The following CTNNA2 variants were observed in gnomAD, a reference collection of about 807,000 sequenced individuals.
CTNNA2 encodes the protein catenin alpha-2.
CTNNA2 carries 42 observed loss-of-function variants against 101.0 expected under a neutral mutation model. The ratio of observed to expected loss-of-function variants is 0.42; its 90% CI spans 0.32 to 0.54. CTNNA2 has a LOEUF of 0.54. CTNNA2 is among the 20% of genes least tolerant of loss of function. The probability of loss-of-function intolerance (pLI) is 0.14; values close to 1 mark genes in which losing one functional copy is unlikely to be tolerated. For missense variants in CTNNA2, 871 were observed against 1,223.1 expected, an observed-to-expected ratio of 0.71 and a Z score of 4.29; for synonymous variants, 450 against 456.4, an observed-to-expected ratio of 0.99 and a Z score of 0.18.
At chr2:80,116,376 T>TA (rs563446744) in intron 7 of CTNNA2, among the ~76,000 whole-genome samples, 4,575 of 65,294 alleles carry the variant, frequency 0.07, 205 homozygotes, top group African/African-American at 0.16. Context: ...CCTAAAAAGC[T>TA]AAAAAAAAAA....
chr2:79,650,289 C>A (rs2104468320), intron 1 of CTNNA2, among the ~76,000 whole-genome samples: 2 of 151,734 alleles, frequency 1.3e-5, no homozygotes, highest in South Asian at 2.1e-4. Context: ...AAATAAATAA[C>A]CTTATCAGTC....
intron 7 of CTNNA2, among the ~76,000 whole-genome samples, chr2:80,027,846 A>C (rs1329166736): frequency 6.6e-6 from 1 of 151,686 alleles, no homozygotes; most frequent in East Asian, 1.9e-4. Context: ...GGTCACATGC[A>C]CCAGTAGTCC....
chr2:80,640,682 G>A (rs181269925), intron 18 of CTNNA2, among the ~76,000 whole-genome samples: 2 of 152,302 alleles, frequency 1.3e-5, no homozygotes, highest in East Asian at 3.9e-4. Context: ...TTTAAAACAT[G>A]AAATGTTCTT....
In CTNNA2 at chr2:80,380,001, T is replaced by C. The variant is rs1424440172; in HGVS notation, c.1057-13210T>C. Among the ~76,000 whole-genome samples, 2 of 151,178 alleles carry C rather than the reference T, an allele frequency of 1.3e-5. 1 individual carries two copies. The highest frequency in any genetic ancestry group is 2.9e-5 in the Non-Finnish European group (2 of 67,846). Reference sequence around the variant, plus strand: ...AAAAGTTTTCATTAGCAGCCATTCATCAATGTCTTGCACTGTTCGAGATGT... The same window carrying C: ...AAAAGTTTTCATTAGCAGCCATTCACCAATGTCTTGCACTGTTCGAGATGT... On this transcript the variant is annotated intron_variant, in intron 7 of 18. Transcript: ENST00000402739.
rs78146086 is a variant in CTNNA2 at position 80,422,480 on chromosome 2, T to C, written c.1290+2879T>C. Among the ~76,000 whole-genome samples the C allele has an allele frequency of 3.6e-3, 549 of 152,034 alleles. 3 individuals carry two copies. The highest frequency in any genetic ancestry group is 6.8e-3 in the Middle Eastern group (2 of 294). ...TTGCATTATAGTACTAGCTAGGACCTACAGTACAATATTGTGGTGATAAAT... is the reference window on the plus strand; with the variant it reads ...TTGCATTATAGTACTAGCTAGGACCCACAGTACAATATTGTGGTGATAAAT... On this transcript the variant is annotated intron_variant, in intron 9 of 18. Coordinates refer to ENST00000402739, the MANE Select transcript of CTNNA2 (RefSeq NM_001282597.3).
At chr2:80,186,000 A>G (rs879544361) in intron 7 of CTNNA2, among the ~76,000 whole-genome samples, 12 of 152,190 alleles carry the variant, frequency 7.9e-5, no homozygotes, top group Non-Finnish European at 1.6e-4. Context: ...CTGTGAGCCA[A>G]TTGTTGTGGA....
chr2:79,578,410 CT>C (rs1225196505), intron 1 of CTNNA2, among the ~76,000 whole-genome samples: 2 of 151,882 alleles, frequency 1.3e-5, no homozygotes, highest in African/African-American at 4.8e-5. Flanking sequence ...TTTAACTTAC[CT>C]TTTGTGGGTT....
At position 80,005,675 on chromosome 2, in the gene CTNNA2, T is replaced by TA. The variant is rs35854998; in HGVS notation, c.1056+95880dup. ...AGAGTTGTTCTACTTATAGATTTTTTAATTATATTAATAGGTCAGCTGCAT... is the reference window on the plus strand; with the variant it reads ...AGAGTTGTTCTACTTATAGATTTTTTAAATTATATTAATAGGTCAGCTGCAT... On this transcript the variant is annotated intron_variant, in intron 7 of 18. Transcript: ENST00000402739. Among the ~76,000 whole-genome samples the TA allele has an allele frequency of 3.2e-3, 489 of 152,022 alleles. 1 individual carries two copies. The highest frequency in any genetic ancestry group is 5.2e-3 in the Non-Finnish European group (352 of 67,956).
intron 7 of CTNNA2, among the ~76,000 whole-genome samples, chr2:80,235,037 A>G (rs901725584): frequency 7.9e-5 from 12 of 152,172 alleles, no homozygotes; most frequent in Admixed American, 3.3e-4. Context: ...TCGTTGATAT[A>G]TGGTATGCCT....
chr2:80,258,564 G>T (rs1055945016), intron 7 of CTNNA2, among the ~76,000 whole-genome samples: 11 of 152,136 alleles, frequency 7.2e-5, no homozygotes, highest in African/African-American at 2.7e-4. Flanking sequence ...GCTAGGGAAT[G>T]TTCCACTGAG....
chr2:80,347,677 T>A (rs1431457789), intron 7 of CTNNA2, among the ~76,000 whole-genome samples: 2 of 137,108 alleles, frequency 1.5e-5, no homozygotes, highest in Non-Finnish European at 3.1e-5. Flanking sequence ...CTGTTGACAC[T>A]GGATTTAGGG....
chr2:79,717,725 A>G (rs1178345557), intron 2 of CTNNA2, among the ~76,000 whole-genome samples: 1 of 152,208 alleles, frequency 6.6e-6, no homozygotes, highest in Admixed American at 6.5e-5. Context: ...GCAGAAAAAC[A>G]GTTGAAGTGT....
At chr2:79,391,947 C>T (rs1678177634) in intron 4 of CTNNA2, among the ~76,000 whole-genome samples, 1 of 152,152 alleles carries the variant, frequency 6.6e-6, no homozygotes, top group African/African-American at 2.4e-5. Flanking sequence ...CACACATAAT[C>T]ATTCCTCTGT....
rs548820759 is a variant in CTNNA2, at chr2:80,343,429, TA to T, written c.1057-49774del. 6.1e-5 allele frequency among the ~76,000 whole-genome samples: 9 copies of T among 146,780 alleles called. No individual in the cohort carries two copies. In the South Asian group the frequency reaches 8.7e-4, roughly 14 times the overall value. On this transcript the variant is annotated intron_variant, in intron 7 of 18. Transcript: ENST00000402739. ...TGATAAAAAAAAAAAAAAAAACACA[TA>T]AAAAAAATCTCCAGTGTTCCAAGCC...
intron 1 of CTNNA2, among the ~76,000 whole-genome samples, chr2:79,522,471 C>T (rs1225381129): frequency 1.3e-5 from 2 of 152,126 alleles, no homozygotes; most frequent in East Asian, 1.9e-4. Context: ...ACAGAATGAT[C>T]GAGTGTGTCC....
chr2:79,949,710 C>G (rs571355564), intron 7 of CTNNA2, among the ~76,000 whole-genome samples: 7 of 151,996 alleles, frequency 4.6e-5, no homozygotes, highest in African/African-American at 1.4e-4. Context: ...CCCAGTAGTT[C>G]GAGGCTGTAG....
chr2:79,592,961 C>T (rs988825406), intron 1 of CTNNA2, among the ~76,000 whole-genome samples: 2 of 152,160 alleles, frequency 1.3e-5, no homozygotes, highest in African/African-American at 4.8e-5. Context: ...ACACAACAAT[C>T]CTCAGAACTA....
At chr2:79,342,215 G>T (rs1441012779) in intron 3 of CTNNA2, among the ~76,000 whole-genome samples, 1 of 152,166 alleles carries the variant, frequency 6.6e-6, no homozygotes, top group Non-Finnish European at 1.5e-5. Flanking sequence ...AGGTATTGAG[G>T]TAAATATAGG....
chr2:79,512,585 C>T (rs888234066), upstream of CTNNA2, among the ~76,000 whole-genome samples: 4 of 151,356 alleles, frequency 2.6e-5, no homozygotes, highest in Non-Finnish European at 5.9e-5. Context: ...CCTATCCTGC[C>T]CGCTCCCGCA....
Sources: gnomAD v4.1 joint callset for allele counts (sites outside exome capture counted in the v4.1 genomes callset) on GRCh38, gnomAD v4.1.1 for gene constraint, MANE v1.5 for transcripts, NCBI Gene and HGNC (gene_info 2026-07-23, HGNC 2026-07-21) for gene names.